The following RGS12 variants were observed in gnomAD, a reference collection of about 807,000 sequenced individuals.
The protein encoded by RGS12 is regulator of G-protein signaling 12.
RGS12 carries 66 observed loss-of-function variants against 120.1 expected under a neutral mutation model. The observed-to-expected ratio is 0.55, with a 90% CI of 0.45 to 0.67. The LOEUF (loss-of-function observed/expected upper bound fraction) is 0.67, where lower values mean the gene tolerates loss of function less well. Ranked by LOEUF, RGS12 falls within the 30% of genes least tolerant of loss-of-function variation. The probability of loss-of-function intolerance (pLI) is 0.00; values close to 1 mark genes in which losing one functional copy is unlikely to be tolerated. For missense variants in RGS12, 1,859 were observed against 1,957.7 expected, an observed-to-expected ratio of 0.95 and a Z score of 0.95; for synonymous variants, 827 against 804.7, an observed-to-expected ratio of 1.03 and a Z score of -0.47.
rs1422334237 is a variant in RGS12, at chr4:3,433,237, T to C, written c.4114+2282T>C. On this transcript the variant is annotated intron_variant, in intron 17 of 17. Coordinates refer to ENST00000336727, the MANE Select transcript of RGS12 (RefSeq NM_001394154.1). This position sits in a 1 kb window ranked among gnomAD's most constrained non-coding sequence, Gnocchi z 4.4. The stretch of plus-strand genomic sequence containing the variant: ...GTTGCTGTGGGATGCTTCCTCACAA[T>C]GTGGCAGCCGCCCTGGACCCAGCGT... 6.6e-6 allele frequency among the ~76,000 whole-genome samples: 1 copy of C among 152,200 alleles called. No homozygotes were observed.
chr4:3,314,970 T>C (rs1390251188), intron 1 of RGS12: 1 of 152,226 alleles, frequency 6.6e-6, no homozygotes, highest in Non-Finnish European at 1.5e-5. Flanking sequence ...AGAACCTTCC[T>C]TTCTTCTGGG....
intron 2 of RGS12, among the ~76,000 whole-genome samples, chr4:3,329,173 G>C (rs1327576423): frequency 2.6e-5 from 4 of 152,156 alleles, no homozygotes; most frequent in Non-Finnish European, 5.9e-5. Context: ...AGGAGAATTG[G>C]AGAGCACCAG....
At chr4:3,384,992 C>T (rs983806099) in intron 3 of RGS12, among the ~76,000 whole-genome samples, 2 of 152,144 alleles carry the variant, frequency 1.3e-5, no homozygotes, top group Non-Finnish European at 2.9e-5. Flanking sequence ...GTGTACCGCT[C>T]GTGTTAAAAC....
intron 3 of RGS12, among the ~76,000 whole-genome samples, chr4:3,369,652 AAC>A (rs1459395969): frequency 1.3e-5 from 2 of 152,240 alleles, no homozygotes; most frequent in Non-Finnish European, 2.9e-5. Flanking sequence ...CTAGAAAATT[AAC>A]AGATGATTTT....
rs547319425 is a variant in RGS12 at position 3,390,754 on chromosome 4, C to G, written c.2020+4317C>G. 6.6e-6 allele frequency among the ~76,000 whole-genome samples: 1 copy of G among 152,198 alleles called. No individual in the cohort carries two copies. Among genetic ancestry groups the G allele is most frequent in the Non-Finnish European group, 1.5e-5 (1 of 68,034 alleles). On this transcript the variant is annotated intron_variant, in intron 4 of 17. Coordinates refer to ENST00000336727, the MANE Select transcript of RGS12 (RefSeq NM_001394154.1). This position sits in a 1 kb window ranked among gnomAD's most constrained non-coding sequence, Gnocchi z 4.6. ...TCCTAGCCTTGTGTCTTCATCTCGC[C>G]GGTCCTTGTTAGCGAACAGGCACTG...
At chr4:3,323,557 A>G (rs1471768745) in intron 2 of RGS12, among the ~76,000 whole-genome samples, 1 of 152,200 alleles carries the variant, frequency 6.6e-6, no homozygotes, top group Non-Finnish European at 1.5e-5. Flanking sequence ...ACATAGTTAT[A>G]TATCAATTTT....
chr4:3,415,960 A>T lies in RGS12; in HGVS notation c.2284-18A>T, dbSNP rs1335397556. On this transcript the variant is annotated intron_variant, in intron 6 of 17. Transcript: ENST00000336727. ...GAGAGGAAGCCTTGCCGGGCTGCTC[A>T]GGTGCCTTTCCTGTCAGCTTTCCTA... The T allele has an allele frequency of 6.3e-7, 1 of 1,597,142 alleles. No homozygotes were observed. Among genetic ancestry groups the T allele is most frequent in the Non-Finnish European group, 8.5e-7 (1 of 1,172,204 alleles).
chr4:3,435,182 T>C (rs974547307), intron 17 of RGS12, among the ~76,000 whole-genome samples: 1 of 152,126 alleles, frequency 6.6e-6, no homozygotes. Context: ...GGAGCTCAGC[T>C]ACCTGCCAGA....
chr4:3,412,438 C>T (rs917838095), intron 4 of RGS12, among the ~76,000 whole-genome samples: 3 of 152,352 alleles, frequency 2.0e-5, no homozygotes, highest in Non-Finnish European at 2.9e-5. Context: ...TCACTGACCC[C>T]CTCCTGGTCT....
chr4:3,391,186 T>C (rs1327921832), intron 4 of RGS12, among the ~76,000 whole-genome samples: 1 of 152,238 alleles, frequency 6.6e-6, no homozygotes, highest in African/African-American at 2.4e-5. Flanking sequence ...TTCAAAATGA[T>C]GCTCAGAATC....
chr4:3,431,363 T>C, intron 17 of RGS12: 1 of 1,039,410 alleles, frequency 9.6e-7, no homozygotes, highest in Non-Finnish European at 1.2e-6. Flanking sequence ...GCATTTGTCT[T>C]GAGTGAGGAA....
intron 1 of RGS12, among the ~76,000 whole-genome samples, chr4:3,298,555 G>A (rs2110351652): frequency 6.6e-6 from 1 of 152,232 alleles, no homozygotes; most frequent in Non-Finnish European, 1.5e-5. Context: ...GTCTCGTCAT[G>A]TTGCCCCTTT....
Position 3,368,447 on chromosome 4 carries a change from TGTGTGGG to T in RGS12, c.1999-17965_1999-17959del, listed in dbSNP as rs1212562750. 2.2e-3 allele frequency among the ~76,000 whole-genome samples: 240 copies of T among 109,776 alleles called. 1 individual carries two copies. Among genetic ancestry groups the T allele is most frequent in the East Asian group, 4.4e-3 (14 of 3,216 alleles). The allele number at this position is 109,776 out of a possible 152,430, so 72.0% of individuals were successfully genotyped here. A position where few individuals can be genotyped will look rare whatever the true frequency, so the allele number is the denominator to read the frequency against. The stretch of plus-strand genomic sequence containing the variant: ...CTGTGTGTGTGTGGGTGCCTGTGTG[TGTGTGGG>T]GTGCCTTTGTGTGTGGGGGTGCCTG... On this transcript the variant is annotated intron_variant, in intron 3 of 17. Transcript: ENST00000336727.
In RGS12 at chr4:3,343,014, C is replaced by T; in HGVS notation, c.1959C>T (p.Ser653=). The T allele has an allele frequency of 6.2e-7, 1 of 1,613,528 alleles. No individual in the cohort carries two copies. Among genetic ancestry groups the T allele is most frequent in the Non-Finnish European group, 8.5e-7 (1 of 1,179,664 alleles). ...RTSARRSFGR[S]KRFSITRSLD... ...CTGCTCGGAGATCATTTGGGAGATC[C>T]AAGAGATTCAGTATCACTCGCTCCC... The change falls in exon 3 of 18, where the codon TCC becomes TCT. Residue 653 remains serine (S), a synonymous_variant. Transcript: ENST00000336727.
chr4:3,345,028 G>C (rs996551882), intron 3 of RGS12, among the ~76,000 whole-genome samples: 3 of 152,212 alleles, frequency 2.0e-5, no homozygotes, highest in Non-Finnish European at 4.4e-5. Flanking sequence ...TTTGGGAATA[G>C]GCATTGCAAT....
At chr4:3,350,673 A>G (rs1714265108) in intron 3 of RGS12, among the ~76,000 whole-genome samples, 1 of 151,172 alleles carries the variant, frequency 6.6e-6, no homozygotes, top group South Asian at 2.1e-4. Context: ...CAGAGAAATA[A>G]CCTATCTCAA....
rs1218383033 is a variant in RGS12, at chr4:3,316,712, T to C, written c.542T>C (p.Val181Ala). The part of the protein sequence containing the change: ...LSESAATRFD[V>A]GHESINNPNP... ...GAGTCGGCCGCAACTCGATTTGATG[T>C]TGGACATGAAAGTATAAATAATCCA... Residue 181 changes from valine to alanine, a missense_variant, in exon 2 of 18, where the codon GTT becomes GCT. Coordinates refer to ENST00000336727, the MANE Select transcript of RGS12 (RefSeq NM_001394154.1). The C allele has an allele frequency of 5.6e-6, 9 of 1,614,218 alleles. No individual in the cohort carries two copies. The highest frequency in any genetic ancestry group is 1.1e-5 in the South Asian group (1 of 91,082).
intron 17 of RGS12, among the ~76,000 whole-genome samples, chr4:3,432,825 C>T (rs1724453160): frequency 6.6e-6 from 1 of 152,190 alleles, no homozygotes; most frequent in Non-Finnish European, 1.5e-5. Context: ...GGAGGAGACC[C>T]AGTGAGTGGG....
At chr4:3,413,717 C>T (rs189800214) in intron 4 of RGS12, 94 of 225,116 alleles carry the variant, frequency 4.2e-4, no homozygotes, top group Non-Finnish European at 6.5e-4. Context: ...AGTTGCTTTT[C>T]CTGTTCAACC....
Sources: allele counts gnomAD v4.1 joint callset (sites outside exome capture counted in the v4.1 genomes callset), GRCh38; gene constraint gnomAD v4.1.1; non-coding constraint Gnocchi (gnomAD v3.1); transcripts MANE v1.5; gene names NCBI Gene and HGNC (gene_info 2026-07-23, HGNC 2026-07-21).